Variants in GLRA1 observed in about 807,000 individuals in gnomAD.
GLRA1 encodes the protein glycine receptor subunit alpha-1.
In GLRA1, 37 loss-of-function variants were observed where a neutral mutation model predicts 48.3. That is an observed-to-expected ratio of 0.77 (90% CI 0.59 to 1.01). GLRA1 has a LOEUF of 1.01. Among genes scored for constraint, GLRA1 ranks in the 50% least tolerant of loss-of-function variants. GLRA1 has a pLI of 0.00. For synonymous variants in GLRA1, 196 were observed against 210.7 expected, an observed-to-expected ratio of 0.93 and a Z score of 0.60; for missense variants, 427 against 571.0, an observed-to-expected ratio of 0.75 and a Z score of 2.57.
intron 3 of GLRA1, among the ~76,000 whole-genome samples, chr5:151,886,127 C>G (rs1002167994): frequency 6.6e-6 from 1 of 152,094 alleles, no homozygotes; most frequent in African/African-American, 2.4e-5. Context: ...TTCATAATTA[C>G]TAATATAATA....
chr5:151,824,169 T>A (rs889130276), intron 8 of GLRA1, among the ~76,000 whole-genome samples: 2 of 151,734 alleles, frequency 1.3e-5, no homozygotes, highest in Non-Finnish European at 2.9e-5. Flanking sequence ...TGTTTTGTTT[T>A]ATCTTGTTTG....
At chr5:151,914,765 C>A (rs1345314105) in intron 1 of GLRA1, among the ~76,000 whole-genome samples, 1 of 152,286 alleles carries the variant, frequency 6.6e-6, no homozygotes, top group Admixed American at 6.5e-5. Flanking sequence ...GGGGTGGGAG[C>A]TAGTGCAATT....
chr5:151,844,915 C>G (rs1372606648), intron 7 of GLRA1, among the ~76,000 whole-genome samples: 1 of 152,044 alleles, frequency 6.6e-6, no homozygotes, highest in East Asian at 1.9e-4. Flanking sequence ...TGCTTCCACT[C>G]ATGGTAGAAA....
chr5:151,921,240 G>T, intron 1 of GLRA1, among the ~76,000 whole-genome samples: 1 of 152,106 alleles, frequency 6.6e-6, no homozygotes, highest in East Asian at 1.9e-4. Flanking sequence ...TTTTATCAGG[G>T]TGCTTTATAT....
chr5:151,886,054 T>C (rs1412822614), intron 3 of GLRA1, among the ~76,000 whole-genome samples: 1 of 152,168 alleles, frequency 6.6e-6, no homozygotes, highest in Non-Finnish European at 1.5e-5. Context: ...GTACAATTGA[T>C]TTTTCTGTTG....
At chr5:151,898,583 G>A (rs1754281412) in intron 1 of GLRA1, among the ~76,000 whole-genome samples, 1 of 151,986 alleles carries the variant, frequency 6.6e-6, no homozygotes. Context: ...AGTTTACCAT[G>A]AGCAGAGAAG....
intron 7 of GLRA1, 131 bp from the exon 8 acceptor site, chr5:151,829,198 A>G (rs1561546137): frequency 1.2e-6 from 1 of 824,944 alleles, no homozygotes; most frequent in Non-Finnish European, 2.0e-6. Context: ...CAGCTGGGAT[A>G]TTAGGGTGGA....
At chr5:151,839,839 C>T (rs973704150) in intron 7 of GLRA1, among the ~76,000 whole-genome samples, 2 of 152,136 alleles carry the variant, frequency 1.3e-5, no homozygotes, top group Non-Finnish European at 2.9e-5. Context: ...AATTAGCTGC[C>T]ACCTTGATTT....
chr5:151,838,636 C>T (rs936857589), intron 7 of GLRA1, among the ~76,000 whole-genome samples: 1 of 151,974 alleles, frequency 6.6e-6, no homozygotes, highest in African/African-American at 2.4e-5. Context: ...GTCTGAGGAA[C>T]AGAATGAAGA....
intron 3 of GLRA1, among the ~76,000 whole-genome samples, chr5:151,878,215 CAA>C (rs1261094188): frequency 6.6e-6 from 1 of 152,130 alleles, no homozygotes; most frequent in Non-Finnish European, 1.5e-5. Flanking sequence ...TATGTTTTAG[CAA>C]AGAGACTGGC....
intron 7 of GLRA1, 70 bp downstream of exon 7, chr5:151,851,320 G>T: frequency 1.0e-6 from 1 of 1,000,130 alleles, no homozygotes; most frequent in Non-Finnish European, 1.6e-6. Flanking sequence ...CCATGTTTTA[G>T]GCAGAGCAAG....
intron 2 of GLRA1, among the ~76,000 whole-genome samples, chr5:151,887,430 TA>T (rs774946575): frequency 2.0e-5 from 3 of 152,240 alleles, no homozygotes; most frequent in Admixed American, 1.3e-4. Context: ...TTTATAGTAT[TA>T]ATTATAGCAG....
chr5:151,827,171 C>CTT (rs59142874), intron 8 of GLRA1, among the ~76,000 whole-genome samples: 8 of 138,868 alleles, frequency 5.8e-5, no homozygotes, highest in African/African-American at 1.3e-4. Flanking sequence ...CTTAAATAGA[C>CTT]TTTTTTTTTT....
chr5:151,873,131 G>A (rs1337096856), intron 3 of GLRA1, among the ~76,000 whole-genome samples: 1 of 149,454 alleles, frequency 6.7e-6, no homozygotes, highest in Admixed American at 6.6e-5. Context: ...ATGTTCCAGG[G>A]TGCTGCTGTC....
At chr5:151,893,148 C>G (rs1754124658) in intron 1 of GLRA1, among the ~76,000 whole-genome samples, 1 of 152,102 alleles carries the variant, frequency 6.6e-6, no homozygotes, top group South Asian at 2.1e-4. Context: ...GATTAGAAGT[C>G]AAACAGGGAT....
chr5:151,920,937 C>T (rs1269795750), intron 1 of GLRA1, among the ~76,000 whole-genome samples: 1 of 152,218 alleles, frequency 6.6e-6, no homozygotes, highest in Non-Finnish European at 1.5e-5. Context: ...CACCTTTCAA[C>T]TGGGTAGGTT....
chr5:151,886,623 A>G, intron 3 of GLRA1, 98 bp downstream of exon 3: 1 of 915,452 alleles, frequency 1.1e-6, no homozygotes, highest in East Asian at 2.4e-5. Context: ...AACCCAGCTG[A>G]TTCCCCACTT....
chr5:151,921,311 T>G (rs1317732510), intron 1 of GLRA1, among the ~76,000 whole-genome samples: 1 of 152,206 alleles, frequency 6.6e-6, no homozygotes, highest in Non-Finnish European at 1.5e-5. Context: ...AATTACTACA[T>G]TGGAGCAGCT....
At chr5:151,844,304 T>A (rs1752606850) in intron 7 of GLRA1, among the ~76,000 whole-genome samples, 1 of 151,862 alleles carries the variant, frequency 6.6e-6, no homozygotes, top group Non-Finnish European at 1.5e-5. Context: ...CTTCATGACC[T>A]TGGATTAGGC....
Sources: allele counts gnomAD v4.1 joint callset (sites outside exome capture counted in the v4.1 genomes callset), GRCh38; gene constraint gnomAD v4.1.1; transcripts MANE v1.5; gene names NCBI Gene and HGNC (gene_info 2026-07-23, HGNC 2026-07-21).